The following EFHD1 variants were observed in gnomAD, a reference collection of about 807,000 sequenced individuals.
The protein encoded by EFHD1 is EF-hand domain family member D1, also known as EF-hand domain-containing protein D1.
Under a neutral mutation model 17.2 loss-of-function variants are expected in EFHD1, and 10 were observed. The observed-to-expected ratio is 0.58, with a 90% CI of 0.36 to 0.99. The LOEUF (loss-of-function observed/expected upper bound fraction) is 0.99. Among genes scored for constraint, EFHD1 ranks in the 50% least tolerant of loss-of-function variants. The pLI is 0.01. For missense variants in EFHD1, 310 were observed against 327.5 expected (o/e 0.95, Z 0.41); for synonymous variants, 153 against 142.0 (o/e 1.08, Z -0.55).
intron 3 of EFHD1, among the ~76,000 whole-genome samples, chr2:232,675,933 T>C (rs921351326): frequency 2.0e-5 from 3 of 152,010 alleles, no homozygotes; most frequent in Non-Finnish European, 2.9e-5. Flanking sequence ...CGCAGCACTT[T>C]AGGAGGGTGA....
chr2:232,635,022 C>CG (rs1694291424), intron 1 of EFHD1, among the ~76,000 whole-genome samples: 1 of 105,774 alleles, frequency 9.5e-6, no homozygotes, highest in South Asian at 2.6e-4. Context: ...CCTCCGCTGC[C>CG]CCTGCATGGA....
At position 232,663,224 on chromosome 2, in the gene EFHD1, G is replaced by A. The variant is rs75849066; in HGVS notation, c.450+275G>A. Among the ~76,000 whole-genome samples the A allele has an allele frequency of 6.2e-4, 94 of 152,166 alleles. 3 individuals are homozygous for A. The South Asian group carries it at 0.017, about 28-fold the overall frequency. ...ATATTCATAGTGGATATTTATGGGG[G>A]CAAAATGTTGGTGCTTTTATAATGT... is the stretch of plus-strand genomic sequence containing the variant. On this transcript the variant is annotated intron_variant, in intron 2 of 3. Transcript: ENST00000264059.
At chr2:232,612,471 C>A (rs1693829129) in intron 1 of EFHD1, among the ~76,000 whole-genome samples, 1 of 152,048 alleles carries the variant, frequency 6.6e-6, no homozygotes, top group African/African-American at 2.4e-5. Flanking sequence ...AGATTTGAAT[C>A]AACATTTCAT....
intron 1 of EFHD1, among the ~76,000 whole-genome samples, chr2:232,662,272 G>A (rs73107652): frequency 0.015 from 2,288 of 152,198 alleles, 65 homozygotes; most frequent in African/African-American, 0.052. Context: ...GGGGAATCAT[G>A]AGCCAGAGTC....
At chr2:232,662,773 C>G in intron 1 of EFHD1, 29 bp from the exon 2 acceptor site, 2 of 1,553,030 alleles carry the variant, frequency 1.3e-6, no homozygotes, top group South Asian at 2.5e-5. Context: ...GTCCTTTCAT[C>G]CCGGTCATGC....
chr2:232,617,164 G>A (rs761377104), intron 1 of EFHD1, among the ~76,000 whole-genome samples: 7 of 152,216 alleles, frequency 4.6e-5, no homozygotes, highest in Non-Finnish European at 8.8e-5. Context: ...GATTCCATTC[G>A]CGGTGGTTCA....
At chr2:232,630,037 C>T (rs975623779), upstream of EFHD1, among the ~76,000 whole-genome samples, 3 of 151,856 alleles carry the variant, frequency 2.0e-5, no homozygotes, top group African/African-American at 4.9e-5. Context: ...GCAATCTCCA[C>T]CTCCCAGGTT....
chr2:232,656,592 T>C (rs1694766648), intron 1 of EFHD1, among the ~76,000 whole-genome samples: 1 of 151,966 alleles, frequency 6.6e-6, no homozygotes, highest in African/African-American at 2.4e-5. Flanking sequence ...CATGCCACTA[T>C]GCCTTGCTAA....
rs77739687 is a variant in EFHD1, at chr2:232,653,676, T to C, written c.303-9126T>C. Among the ~76,000 whole-genome samples the C allele has an allele frequency of 2.8e-4, 43 of 152,324 alleles. 1 individual carries two copies. The East Asian group carries it at 8.1e-3, about 29-fold the overall frequency. ...AGGAACAAAAGAAAGCAGCCCTGACTGAGCAGCTGGGATTGAAGGGGGTGG... is the reference window on the plus strand; with the variant it reads ...AGGAACAAAAGAAAGCAGCCCTGACCGAGCAGCTGGGATTGAAGGGGGTGG... On this transcript the variant is annotated intron_variant, in intron 1 of 3. Transcript: ENST00000264059.
chr2:232,617,932 G>A (rs1383379564), intron 1 of EFHD1, among the ~76,000 whole-genome samples: 1 of 135,242 alleles, frequency 7.4e-6, no homozygotes, highest in African/African-American at 2.7e-5. Context: ...CTGGGTGGCA[G>A]AACAAGACTC....
chr2:232,655,006 C>T (rs1004366219), intron 1 of EFHD1, among the ~76,000 whole-genome samples: 6 of 152,176 alleles, frequency 3.9e-5, no homozygotes, highest in African/African-American at 1.4e-4. Flanking sequence ...ACTCGCTTCA[C>T]TCTCCTTCCT....
chr2:232,637,189 C>T (rs1694334195), intron 1 of EFHD1, among the ~76,000 whole-genome samples: 1 of 152,108 alleles, frequency 6.6e-6, no homozygotes, highest in Non-Finnish European at 1.5e-5. Context: ...CCTTGAGGCG[C>T]CAGCGAAGAC....
intron 1 of EFHD1, among the ~76,000 whole-genome samples, chr2:232,655,995 A>G (rs1198984083): frequency 6.6e-6 from 1 of 151,306 alleles, no homozygotes; most frequent in Non-Finnish European, 1.5e-5. Context: ...TTTAGTAGAG[A>G]TGGGGTTTCA....
chr2:232,609,139 A>G lies in EFHD1; in HGVS notation c.14+2966A>G, dbSNP rs1048797569. Among the ~76,000 whole-genome samples the G allele has an allele frequency of 3.1e-4, 39 of 127,498 alleles. 1 individual carries two copies. Among genetic ancestry groups the G allele is most frequent in the African/African-American group, 1.2e-3 (38 of 32,872 alleles). 83.6% of individuals were successfully genotyped at this position (127,498 alleles called of 152,430 possible). ...AAGTGGTGCAATCTCGGCTCACTGC[A>G]CCCTCTGCCTCCTGGGTTCAGGTGA... is the stretch of plus-strand genomic sequence containing the variant. On this transcript the variant is annotated intron_variant, in intron 1 of 3. Coordinates refer to the EFHD1 transcript ENST00000409613.
chr2:232,647,080 C>T (rs946684551), intron 1 of EFHD1, among the ~76,000 whole-genome samples: 7 of 152,234 alleles, frequency 4.6e-5, no homozygotes, highest in Non-Finnish European at 1.0e-4. Context: ...GTAAGTGAGA[C>T]CTGGAAAAAG....
intron 1 of EFHD1, among the ~76,000 whole-genome samples, chr2:232,639,013 GT>G (rs990792751): frequency 5.9e-5 from 9 of 152,126 alleles, no homozygotes; most frequent in African/African-American, 7.2e-5. Flanking sequence ...ACGGGTTTAA[GT>G]GCTGGCTGCT....
chr2:232,646,784 A>G (rs1178184860), intron 1 of EFHD1, among the ~76,000 whole-genome samples: 1 of 152,150 alleles, frequency 6.6e-6, no homozygotes, highest in Non-Finnish European at 1.5e-5. Context: ...CCCACCTTCC[A>G]GAGTTTCCCT....
intron 1 of EFHD1, among the ~76,000 whole-genome samples, chr2:232,658,935 A>G (rs899572287): frequency 2.0e-5 from 3 of 152,148 alleles, no homozygotes; most frequent in African/African-American, 4.8e-5. Context: ...AAAAACTTAG[A>G]AAACAGGGAA....
At chr2:232,673,022 A>T (rs1042700909) in intron 3 of EFHD1, among the ~76,000 whole-genome samples, 4 of 152,222 alleles carry the variant, frequency 2.6e-5, no homozygotes, top group Non-Finnish European at 5.9e-5. Flanking sequence ...CACTGGCACC[A>T]TGTGTCCAAT....
Sources: gnomAD v4.1 joint callset for allele counts (sites outside exome capture counted in the v4.1 genomes callset) on GRCh38, gnomAD v4.1.1 for gene constraint, MANE v1.5 for transcripts, NCBI Gene and HGNC (gene_info 2026-07-23, HGNC 2026-07-21) for gene names.